RERE: variants seen among roughly 807,000 people sequenced by gnomAD.
The protein encoded by RERE is arginine-glutamic acid dipeptide repeats protein.
In RERE, 40 loss-of-function variants were observed where a neutral mutation model predicts 146.1. The ratio of observed to expected loss-of-function variants is 0.27; its 90% CI spans 0.21 to 0.36. The LOEUF (loss-of-function observed/expected upper bound fraction) is 0.36, where lower values mean the gene tolerates loss of function less well. Ranked by LOEUF, RERE falls within the 10% of genes least tolerant of loss-of-function variation. RERE has a pLI of 1.00. For synonymous variants in RERE, 1,003 were observed against 866.0 expected (o/e 1.16, Z -2.78); for missense variants, 1,933 against 2,138.7 (o/e 0.90, Z 1.90).
intron 11 of RERE, among the ~76,000 whole-genome samples, chr1:8,432,343 A>C (rs1257909957): frequency 6.6e-6 from 1 of 151,980 alleles, no homozygotes; most frequent in Non-Finnish European, 1.5e-5. Flanking sequence ...ATTCAAACAC[A>C]TCAACTCAAC....
intron 10 of RERE, among the ~76,000 whole-genome samples, chr1:8,469,049 A>C (rs1467453483): frequency 6.6e-6 from 1 of 152,176 alleles, no homozygotes; most frequent in Non-Finnish European, 1.5e-5. Context: ...TTTGTGCCTT[A>C]ATTTTGACAT....
At chr1:8,794,944 C>T (rs751645569) in intron 1 of RERE, among the ~76,000 whole-genome samples, 17 of 151,944 alleles carry the variant, frequency 1.1e-4, no homozygotes, top group Non-Finnish European at 2.2e-4. Context: ...TCCCAAGTAG[C>T]CAGAACCATA....
chr1:8,787,648 T>C (rs1641282195), intron 1 of RERE, among the ~76,000 whole-genome samples: 1 of 151,758 alleles, frequency 6.6e-6, no homozygotes, highest in African/African-American at 2.4e-5. Context: ...CTGGCCAACA[T>C]GGTGAAACCT....
intron 4 of RERE, among the ~76,000 whole-genome samples, chr1:8,577,344 CTCTT>C (rs1646308697): frequency 1.3e-5 from 2 of 152,072 alleles, no homozygotes; most frequent in Non-Finnish European, 2.9e-5. Context: ...TATATTGCTG[CTCTT>C]TCTTTTTTAT....
intron 12 of RERE, among the ~76,000 whole-genome samples, chr1:8,417,153 C>A (rs770958462): frequency 1.3e-5 from 2 of 152,092 alleles, no homozygotes; most frequent in African/African-American, 2.4e-5. Context: ...AAGGTTATAA[C>A]CTGAAATTAA....
chr1:8,669,285 A>G (rs1638659084), intron 1 of RERE, among the ~76,000 whole-genome samples: 1 of 152,080 alleles, frequency 6.6e-6, no homozygotes, highest in South Asian at 2.1e-4. Context: ...TGTGTTGCCC[A>G]GGCTGGTTTC....
At position 8,360,298 on chromosome 1, in the gene RERE, C is replaced by G. The variant is rs1641507284; in HGVS notation, c.3209G>C (p.Cys1070Ser). 3.9e-6 allele frequency: 6 copies of G among 1,551,158 alleles called. No homozygotes were observed. The highest frequency in any genetic ancestry group is 5.2e-6 in the Non-Finnish European group (6 of 1,147,894). Residue 1070 changes from cysteine to serine, a missense_variant, in exon 18 of 23, where the codon TGC (cysteine) becomes TCC (serine). Coordinates refer to ENST00000400908, the MANE Select transcript of RERE (RefSeq NM_001042681.2). ...GCCTCCTGAAGCCGCCGCACCAGAG[C>G]AGGGTGGCTGGGCCGAGGTGCCAGG... ...AGPGTSAQPP[C>S]SGAAASGGSI...
At chr1:8,816,616 C>A (rs1340986949) in intron 1 of RERE, among the ~76,000 whole-genome samples, 1 of 152,138 alleles carries the variant, frequency 6.6e-6, no homozygotes, top group East Asian at 1.9e-4. Context: ...AGAAGCCACC[C>A]TCCTTCAGAG....
chr1:8,570,653 TG>T (rs912721891), intron 4 of RERE, among the ~76,000 whole-genome samples: 2 of 152,122 alleles, frequency 1.3e-5, no homozygotes, highest in African/African-American at 4.8e-5. Context: ...AAAAAGCAAA[TG>T]ACGTCTTGGT....
chr1:8,385,836 G>C (rs1570110188), intron 12 of RERE, among the ~76,000 whole-genome samples: 1 of 149,600 alleles, frequency 6.7e-6, no homozygotes, highest in African/African-American at 2.4e-5. Flanking sequence ...GGACGTGGTG[G>C]CGGGCGCCTG....
At chr1:8,477,229 G>T (rs1884352) in intron 10 of RERE, among the ~76,000 whole-genome samples, 1 of 152,032 alleles carries the variant, frequency 6.6e-6, no homozygotes, top group Non-Finnish European at 1.5e-5. Flanking sequence ...TGCGGAGGGT[G>T]TAGGCTGCTT....
At chr1:8,647,678 T>TGTGTG (rs1491129513) in intron 2 of RERE, among the ~76,000 whole-genome samples, 5 of 150,336 alleles carry the variant, frequency 3.3e-5, no homozygotes, top group African/African-American at 1.2e-4. Flanking sequence ...TGTGTGTGTG[T>TGTGTG]CCCCTGGAAC....
At chr1:8,668,093 T>C (rs1260165971) in intron 1 of RERE, among the ~76,000 whole-genome samples, 2 of 152,258 alleles carry the variant, frequency 1.3e-5, no homozygotes, top group Non-Finnish European at 2.9e-5. Context: ...TATTTGCCTA[T>C]TGCAGAGATT....
intron 7 of RERE, among the ~76,000 whole-genome samples, chr1:8,534,277 A>G (rs1645696606): frequency 6.6e-6 from 1 of 152,262 alleles, no homozygotes; most frequent in African/African-American, 2.4e-5. Context: ...AAGTGACAGA[A>G]AATTAAGAAA....
chr1:8,525,710 G>C (rs1645562182), intron 7 of RERE: 1 of 1,541,514 alleles, frequency 6.5e-7, no homozygotes, highest in Admixed American at 2.1e-5. Flanking sequence ...GTGAGAAAGA[G>C]CAGCAAAACC....
intron 7 of RERE, among the ~76,000 whole-genome samples, chr1:8,532,117 C>T (rs972005256): frequency 6.6e-6 from 1 of 152,014 alleles, no homozygotes; most frequent in Non-Finnish European, 1.5e-5. Flanking sequence ...TTCTATATGT[C>T]GAAGAGGCAA....
Position 8,623,490 on chromosome 1 carries a change from T to C in RERE, c.396+820A>G, listed in dbSNP as rs576468683. Among the ~76,000 whole-genome samples the C allele has an allele frequency of 3.4e-4, 52 of 152,328 alleles. No individual in the cohort carries two copies. The South Asian group carries it at 6.0e-3, about 18-fold the overall frequency. ...ACAAATAGTGGTTCTTAACTGTGTA[T>C]TGCTTTTAAATAAGTGAAATTTTTA... On this transcript the variant is annotated intron_variant, in intron 3 of 22. Transcript: ENST00000400908.
intron 12 of RERE, among the ~76,000 whole-genome samples, chr1:8,414,916 A>T (rs2124462060): frequency 6.6e-6 from 1 of 152,230 alleles, no homozygotes; most frequent in South Asian, 2.1e-4. Flanking sequence ...ACTGAGACTG[A>T]GGTTAATGCT....
At chr1:8,621,479 T>C (rs768199777) in intron 3 of RERE, among the ~76,000 whole-genome samples, 1 of 152,206 alleles carries the variant, frequency 6.6e-6, no homozygotes, top group African/African-American at 2.4e-5. Flanking sequence ...TACCTACTAA[T>C]GTGTATCATA....
Sources: allele counts gnomAD v4.1 joint callset (sites outside exome capture counted in the v4.1 genomes callset), GRCh38; gene constraint gnomAD v4.1.1; transcripts MANE v1.5; gene names NCBI Gene and HGNC (gene_info 2026-07-23, HGNC 2026-07-21).